The following ELOVL4 variants were observed in gnomAD, a reference collection of about 807,000 sequenced individuals.
ELOVL4 encodes the protein ELOVL fatty acid elongase 4.
A neutral mutation model predicts 42.1 loss-of-function variants in ELOVL4; 18 were observed. The ratio of observed to expected loss-of-function variants is 0.43; its 90% CI spans 0.30 to 0.63. The LOEUF (loss-of-function observed/expected upper bound fraction) is 0.63. Among genes scored for constraint, ELOVL4 ranks in the 30% least tolerant of loss-of-function variants. The probability of loss-of-function intolerance (pLI) is 0.15; values close to 1 mark genes in which losing one functional copy is unlikely to be tolerated. For missense variants in ELOVL4, 299 were observed against 376.2 expected, an observed-to-expected ratio of 0.79 and a Z score of 1.70; for synonymous variants, 117 against 127.0, an observed-to-expected ratio of 0.92 and a Z score of 0.53.
chr6:79,929,536 C>T lies in ELOVL4; in HGVS notation c.101-3155G>A, dbSNP rs75914415. Among the ~76,000 whole-genome samples, 715 of 152,224 alleles carry T rather than the reference C, an allele frequency of 4.7e-3. 9 individuals carry two copies. The highest frequency in any genetic ancestry group is 0.016 in the African/African-American group (680 of 41,562). The stretch of plus-strand genomic sequence containing the variant: ...GATTACAGGCGTGAGCCACCATGCC[C>T]AGCCCATGCAGCCCATTTCTAAGAA... On this transcript the variant is annotated intron_variant, in intron 1 of 5. Coordinates refer to ENST00000369816, the MANE Select transcript of ELOVL4 (RefSeq NM_022726.4).
intron 1 of ELOVL4, among the ~76,000 whole-genome samples, chr6:79,945,878 T>C (rs1344508109): frequency 1.3e-5 from 2 of 152,182 alleles, no homozygotes; most frequent in African/African-American, 4.8e-5. Flanking sequence ...AAATAGCTTA[T>C]TTCCCAGTGT....
chr6:79,921,543 T>A, intron 4 of ELOVL4, 82 bp downstream of exon 4: 1 of 1,107,674 alleles, frequency 9.0e-7, no homozygotes, highest in Non-Finnish European at 1.3e-6. Flanking sequence ...GTAGATCAAG[T>A]CAAAGTCCTA....
At chr6:79,939,372 T>C (rs1249316356) in intron 1 of ELOVL4, among the ~76,000 whole-genome samples, 1 of 152,108 alleles carries the variant, frequency 6.6e-6, no homozygotes, top group Non-Finnish European at 1.5e-5. Flanking sequence ...ATATCCACAT[T>C]GTTGTGACTC....
chr6:79,934,248 G>A (rs1218629592), intron 1 of ELOVL4, among the ~76,000 whole-genome samples: 1 of 152,162 alleles, frequency 6.6e-6, no homozygotes, highest in African/African-American at 2.4e-5. Flanking sequence ...GAGGACAGTT[G>A]AAGATGAGTG....
intron 5 of ELOVL4, among the ~76,000 whole-genome samples, chr6:79,918,786 A>C (rs1341421439): frequency 1.3e-5 from 2 of 152,206 alleles, no homozygotes; most frequent in African/African-American, 2.4e-5. Flanking sequence ...GATTGCCACA[A>C]ACAGTCTTAC....
intron 1 of ELOVL4, among the ~76,000 whole-genome samples, chr6:79,932,004 A>C (rs1463864109): frequency 6.6e-6 from 1 of 152,240 alleles, no homozygotes; most frequent in Non-Finnish European, 1.5e-5. Context: ...AGAATTACTA[A>C]GGCACATTAC....
At chr6:79,946,170 T>C (rs776048355) in intron 1 of ELOVL4, among the ~76,000 whole-genome samples, 14 of 152,348 alleles carry the variant, frequency 9.2e-5, no homozygotes, top group Middle Eastern at 3.4e-3. Context: ...TGCAGTGTGA[T>C]ACTGCAAAAG....
chr6:79,933,820 G>A (rs1343721090), intron 1 of ELOVL4, among the ~76,000 whole-genome samples: 1 of 152,192 alleles, frequency 6.6e-6, no homozygotes, highest in Non-Finnish European at 1.5e-5. Context: ...GGAAACCTGG[G>A]TTAGGGAGCT....
intron 3 of ELOVL4, among the ~76,000 whole-genome samples, chr6:79,922,746 C>A (rs1351433589): frequency 6.6e-6 from 1 of 152,086 alleles, no homozygotes; most frequent in Non-Finnish European, 1.5e-5. Flanking sequence ...GCATTTTATA[C>A]CTGCACCTGG....
chr6:79,936,427 C>T (rs1774544858), intron 1 of ELOVL4, among the ~76,000 whole-genome samples: 1 of 152,062 alleles, frequency 6.6e-6, no homozygotes, highest in African/African-American at 2.4e-5. Context: ...TCACACTGTA[C>T]ACTGCAAGTA....
intron 1 of ELOVL4, 127 bp downstream of exon 1, chr6:79,947,053 C>T (rs907085479): frequency 1.3e-6 from 1 of 782,598 alleles, no homozygotes; most frequent in African/African-American, 1.7e-5. Flanking sequence ...GGCCCCTCCG[C>T]TGATCCGCAG....
rs1325821237 is a variant in ELOVL4, at chr6:79,947,395, G to A, written c.-116C>T. ...GGCGGCCGGGAACCCCTCTAACGGC[G>A]GCGGCCCGGCTGCGTCTTCTCCTGC... is the stretch of plus-strand genomic sequence containing the variant. On this transcript the variant is annotated 5_prime_UTR_variant, in exon 1 of 6. Coordinates refer to ENST00000369816, the MANE Select transcript of ELOVL4 (RefSeq NM_022726.4). The A allele has an allele frequency of 4.4e-5, 35 of 787,778 alleles. No homozygotes were observed. Among genetic ancestry groups the A allele is most frequent in the Non-Finnish European group, 6.6e-5 (31 of 467,392 alleles). The allele number at this position is 787,778 out of a possible 1,614,324, so 48.8% of individuals were successfully genotyped here.
At chr6:79,945,624 C>A (rs951173687) in intron 1 of ELOVL4, among the ~76,000 whole-genome samples, 1 of 151,986 alleles carries the variant, frequency 6.6e-6, no homozygotes, top group Non-Finnish European at 1.5e-5. Flanking sequence ...CCTAGGTGTG[C>A]GAAGTGCAAT....
In ELOVL4 at chr6:79,947,208, C is replaced by T. The variant is rs756984659; in HGVS notation, c.72G>A (p.Glu24=). The change falls in exon 1 of 6, where the codon GAG becomes GAA. Residue 24 remains glutamate (E), a synonymous_variant. Transcript: ENST00000369816. Reference sequence around the variant, plus strand: ...CGATGGACCAGGTCCAGCGGTAGAACTCTACCGTGTCGTTGAGTGCCGTGG... The same window carrying T: ...CGATGGACCAGGTCCAGCGGTAGAATTCTACCGTGTCGTTGAGTGCCGTGG... The part of the protein sequence containing the change: ...VVSTALNDTV[E]FYRWTWSIAD... The T allele has an allele frequency of 6.2e-7, 1 of 1,613,030 alleles. No individual in the cohort carries two copies. The highest frequency in any genetic ancestry group is 8.5e-7 in the Non-Finnish European group (1 of 1,179,476).
intron 1 of ELOVL4, among the ~76,000 whole-genome samples, chr6:79,936,908 G>A (rs1774553452): frequency 6.6e-6 from 1 of 152,194 alleles, no homozygotes; most frequent in Non-Finnish European, 1.5e-5. Context: ...TGTATAGTCA[G>A]CATGATTAGC....
chr6:79,928,727 G>GGTTT (rs1774389039), intron 1 of ELOVL4, among the ~76,000 whole-genome samples: 1 of 75,582 alleles, frequency 1.3e-5, no homozygotes. Flanking sequence ...TGGTGACTGG[G>GGTTT]TTTTTTTTTT....
intron 1 of ELOVL4, among the ~76,000 whole-genome samples, chr6:79,937,414 A>G (rs978803562): frequency 2.0e-5 from 3 of 152,218 alleles, no homozygotes; most frequent in African/African-American, 4.8e-5. Flanking sequence ...CAGTTAACAC[A>G]GATGAGAGAA....
At chr6:79,918,513 C>T (rs1371616720) in intron 5 of ELOVL4, among the ~76,000 whole-genome samples, 1 of 152,166 alleles carries the variant, frequency 6.6e-6, no homozygotes, top group Non-Finnish European at 1.5e-5. Context: ...TATACCACTC[C>T]GGTTACAAAT....
chr6:79,931,335 TTTATC>T (rs1162876481), intron 1 of ELOVL4, among the ~76,000 whole-genome samples: 12 of 152,114 alleles, frequency 7.9e-5, no homozygotes, highest in Non-Finnish European at 1.8e-4. Flanking sequence ...AAATGATCCC[TTTATC>T]TTAAAAATGA....
Sources: allele counts gnomAD v4.1 joint callset (sites outside exome capture counted in the v4.1 genomes callset), GRCh38; gene constraint gnomAD v4.1.1; transcripts MANE v1.5; gene names NCBI Gene and HGNC (gene_info 2026-07-23, HGNC 2026-07-21).